RIMS4: variants seen among roughly 807,000 people sequenced by gnomAD.
RIMS4 encodes regulating synaptic membrane exocytosis 4, also known as regulating synaptic membrane exocytosis protein 4.
In RIMS4, 9 loss-of-function variants were observed where a neutral mutation model predicts 29.0. The observed-to-expected ratio is 0.31, with a 90% CI of 0.19 to 0.54. The LOEUF (loss-of-function observed/expected upper bound fraction) is 0.54. Among genes scored for constraint, RIMS4 ranks in the 20% least tolerant of loss-of-function variants. The probability of loss-of-function intolerance (pLI) is 0.94; values close to 1 mark genes in which losing one functional copy is unlikely to be tolerated. For synonymous variants in RIMS4, 130 were observed against 152.9 expected, an observed-to-expected ratio of 0.85 and a Z score of 1.10; for missense variants, 193 against 365.7, an observed-to-expected ratio of 0.53 and a Z score of 3.85.
chr20:44,758,887 G>T (rs1210763985), intron 2 of RIMS4, among the ~76,000 whole-genome samples: 1 of 152,226 alleles, frequency 6.6e-6, no homozygotes, highest in African/African-American at 2.4e-5. Context: ...TCCCGAGAAT[G>T]AAACCATCAA....
chr20:44,807,559 G>C lies in RIMS4; in HGVS notation c.97+2616C>G, dbSNP rs562186782. ...GAGACGGAGCCAGCAGAGACAGACA[G>C]GTATTAAGAAGGCCAGGGGAGGGAG... On this transcript the variant is annotated intron_variant, in intron 1 of 5. Coordinates refer to ENST00000372851, the MANE Select transcript of RIMS4 (RefSeq NM_182970.4). Among the ~76,000 whole-genome samples, 46 of 152,264 alleles carry C rather than the reference G, an allele frequency of 3.0e-4. No individual in the cohort carries two copies. The South Asian group carries it at 3.1e-3, about 10-fold the overall frequency.
At chr20:44,791,423 G>C (rs539519372) in intron 1 of RIMS4, among the ~76,000 whole-genome samples, 1 of 152,212 alleles carries the variant, frequency 6.6e-6, no homozygotes, top group Non-Finnish European at 1.5e-5. Flanking sequence ...CATCTGTAAA[G>C]TGGGAATAGC....
chr20:44,796,581 G>A (rs1008805917), intron 1 of RIMS4, among the ~76,000 whole-genome samples: 1 of 152,218 alleles, frequency 6.6e-6, no homozygotes, highest in African/African-American at 2.4e-5. Context: ...GCCAGACTGT[G>A]CAAGCACAGG....
chr20:44,794,668 G>A (rs2066247011), intron 1 of RIMS4, among the ~76,000 whole-genome samples: 1 of 152,184 alleles, frequency 6.6e-6, no homozygotes, highest in Admixed American at 6.5e-5. Flanking sequence ...ATTTGTTCCT[G>A]CCTTCAAACC....
chr20:44,800,665 G>A (rs2066274054), intron 1 of RIMS4, among the ~76,000 whole-genome samples: 1 of 151,924 alleles, frequency 6.6e-6, no homozygotes, highest in Non-Finnish European at 1.5e-5. Context: ...GGAACTGGAG[G>A]GCCTGTACAA....
At chr20:44,800,298 G>A (rs745332963) in intron 1 of RIMS4, among the ~76,000 whole-genome samples, 15 of 151,862 alleles carry the variant, frequency 9.9e-5, no homozygotes, top group Non-Finnish European at 2.1e-4. Context: ...CTGAGTAGAA[G>A]GGAGATGCCA....
chr20:44,762,307 C>T (rs2066089069), intron 2 of RIMS4, among the ~76,000 whole-genome samples: 1 of 152,110 alleles, frequency 6.6e-6, no homozygotes, highest in African/African-American at 2.4e-5. Context: ...GGGTTGGGGA[C>T]CCCTGACCTC....
chr20:44,783,466 T>C (rs1472393585), intron 1 of RIMS4, among the ~76,000 whole-genome samples: 1 of 151,948 alleles, frequency 6.6e-6, no homozygotes, highest in South Asian at 2.1e-4. Context: ...CTACTAAAAA[T>C]ACAAAAATTA....
chr20:44,788,078 G>C (rs1732142895), intron 1 of RIMS4, among the ~76,000 whole-genome samples: 1 of 152,218 alleles, frequency 6.6e-6, no homozygotes, highest in Non-Finnish European at 1.5e-5. Context: ...ATTAACCACA[G>C]ATCTAGCTGG....
intron 2 of RIMS4, among the ~76,000 whole-genome samples, chr20:44,769,231 C>T (rs905554563): frequency 2.0e-5 from 3 of 152,208 alleles, no homozygotes; most frequent in Admixed American, 1.3e-4. Context: ...GGCATCACCT[C>T]GTTTCTTCCT....
chr20:44,798,883 T>C (rs2066266065), intron 1 of RIMS4, among the ~76,000 whole-genome samples: 1 of 152,248 alleles, frequency 6.6e-6, no homozygotes, highest in African/African-American at 2.4e-5. Flanking sequence ...CACAGAGCAC[T>C]TGCACAAAAA....
In RIMS4 at chr20:44,768,220, A is replaced by T. The variant is rs371911917; in HGVS notation, c.236+3055T>A. On this transcript the variant is annotated intron_variant, in intron 2 of 5. Coordinates refer to ENST00000372851, the MANE Select transcript of RIMS4 (RefSeq NM_182970.4). ...AGTCAGTGCCCAAGAGTGGAAGCTC[A>T]TGGAGGACAAGGTATCTGAGGTGCC... 2.0e-5 allele frequency among the ~76,000 whole-genome samples: 3 copies of T among 152,346 alleles called. 1 individual carries two copies.
intron 1 of RIMS4, among the ~76,000 whole-genome samples, chr20:44,781,616 G>T (rs749870025): frequency 2.0e-5 from 3 of 152,274 alleles, no homozygotes; most frequent in Middle Eastern, 3.4e-3. Flanking sequence ...TTGGGGTTGG[G>T]GAGGTCCTAT....
At chr20:44,794,794 C>T (rs1251145488) in intron 1 of RIMS4, among the ~76,000 whole-genome samples, 1 of 152,172 alleles carries the variant, frequency 6.6e-6, no homozygotes, top group Non-Finnish European at 1.5e-5. Context: ...ATATCACTAT[C>T]CTGGCCTGAG....
chr20:44,758,000 GGA>G, intron 3 of RIMS4, 70 bp downstream of exon 3: 1 of 1,163,900 alleles, frequency 8.6e-7, no homozygotes, highest in East Asian at 2.4e-5. Flanking sequence ...GGGGAAGGAG[GGA>G]GAGACGCTGA....
At chr20:44,807,643 C>T (rs2066304649) in intron 1 of RIMS4, among the ~76,000 whole-genome samples, 1 of 152,104 alleles carries the variant, frequency 6.6e-6, no homozygotes, top group South Asian at 2.1e-4. Context: ...CATTCCATTG[C>T]TTTTAGAAAT....
chr20:44,803,680 GA>G (rs1316491559), intron 1 of RIMS4, among the ~76,000 whole-genome samples: 2 of 152,176 alleles, frequency 1.3e-5, no homozygotes, highest in East Asian at 1.9e-4. Context: ...GAAAAAAGGG[GA>G]GGGGGGATGG....
At chr20:44,799,598 G>A (rs75413056) in intron 1 of RIMS4, among the ~76,000 whole-genome samples, 9 of 152,186 alleles carry the variant, frequency 5.9e-5, no homozygotes, top group Non-Finnish European at 1.3e-4. Context: ...TGAGTGCAGT[G>A]AGTGTGGTGG....
chr20:44,777,698 G>A (rs1464366097), intron 1 of RIMS4, among the ~76,000 whole-genome samples: 1 of 152,148 alleles, frequency 6.6e-6, no homozygotes, highest in African/African-American at 2.4e-5. Flanking sequence ...TCCCCACTTT[G>A]ACATTTTATT....
Sources: allele counts gnomAD v4.1 joint callset (sites outside exome capture counted in the v4.1 genomes callset), GRCh38; gene constraint gnomAD v4.1.1; transcripts MANE v1.5; gene names NCBI Gene and HGNC (gene_info 2026-07-23, HGNC 2026-07-21).